DENND1A: variants seen among roughly 807,000 people sequenced by gnomAD.
DENND1A encodes DENN domain-containing protein 1A.
Under a neutral mutation model 113.7 loss-of-function variants are expected in DENND1A, and 51 were observed. The observed-to-expected ratio is 0.45, with a 90% CI of 0.36 to 0.57. The LOEUF (loss-of-function observed/expected upper bound fraction) is 0.57, where lower values mean the gene tolerates loss of function less well. DENND1A is among the 20% of genes least tolerant of loss of function. DENND1A has a pLI of 0.00. For synonymous variants in DENND1A, 565 were observed against 570.8 expected (o/e 0.99, Z 0.14); for missense variants, 1,258 against 1,395.9 (o/e 0.90, Z 1.57).
intron 2 of DENND1A, among the ~76,000 whole-genome samples, chr9:123,851,396 A>G (rs1843341300): frequency 6.6e-6 from 1 of 152,220 alleles, no homozygotes; most frequent in Non-Finnish European, 1.5e-5. Context: ...CTATGTATAG[A>G]ACTCAATTTG....
intron 1 of DENND1A, among the ~76,000 whole-genome samples, chr9:123,886,574 T>C (rs1395033941): frequency 1.3e-5 from 2 of 152,186 alleles, no homozygotes; most frequent in African/African-American, 2.4e-5. Context: ...AGAAACTGTA[T>C]ACACTTCAGA....
intron 8 of DENND1A, among the ~76,000 whole-genome samples, chr9:123,662,485 C>G (rs138755890): frequency 2.5e-3 from 382 of 152,244 alleles, no homozygotes; most frequent in Middle Eastern, 0.01. Flanking sequence ...ATCGCTTGAG[C>G]CCAGGAGGTG....
At chr9:123,566,637 A>C (rs1447473025) in intron 12 of DENND1A, among the ~76,000 whole-genome samples, 1 of 152,164 alleles carries the variant, frequency 6.6e-6, no homozygotes, top group African/African-American at 2.4e-5. Flanking sequence ...CCTTGGAGTA[A>C]AAAAGTGCAA....
chr9:123,772,222 A>G (rs1191898831), intron 3 of DENND1A, among the ~76,000 whole-genome samples: 2 of 152,216 alleles, frequency 1.3e-5, no homozygotes, highest in Non-Finnish European at 2.9e-5. Context: ...CCTTACACAT[A>G]AACATTCATG....
At chr9:123,926,004 C>A (rs1428373293) in intron 1 of DENND1A, among the ~76,000 whole-genome samples, 1 of 152,232 alleles carries the variant, frequency 6.6e-6, no homozygotes, top group East Asian at 1.9e-4. Context: ...TAAACTGCCA[C>A]ATAGTTTCCT....
At position 123,671,295 on chromosome 9, in the gene DENND1A, C is replaced by A. The variant is rs758346679; in HGVS notation, c.449G>T (p.Ser150Ile). 6.2e-7 allele frequency: 1 copy of A among 1,614,024 alleles called. No homozygotes were observed. The highest frequency in any genetic ancestry group is 1.7e-5 in the Admixed American group (1 of 60,018). ...IPDPGVSVHL[S>I]VHSYFTVPDT... ...CTAATACTCCGCCCCACTTACCACG[C>A]TGAGATGGACAGACACTCCTGGGTC... The change falls in exon 7 of 24, where the codon AGC becomes ATC. Residue 150 changes from serine (S) to isoleucine (I), a missense_variant. Coordinates refer to ENST00000394215, the MANE Select transcript of DENND1A (RefSeq NM_001352964.2).
At chr9:123,596,738 C>T (rs1278544437) in intron 11 of DENND1A, among the ~76,000 whole-genome samples, 1 of 152,136 alleles carries the variant, frequency 6.6e-6, no homozygotes, top group African/African-American at 2.4e-5. Context: ...GCAAGCAAGC[C>T]CTAAAAGTAG....
chr9:123,450,634 T>C (rs2047650094), intron 18 of DENND1A, 59 bp downstream of exon 18: 1 of 1,436,414 alleles, frequency 7.0e-7, no homozygotes, highest in Admixed American at 1.9e-5. Flanking sequence ...CTCATACTTT[T>C]TTGTGGCCAT....
intron 6 of DENND1A, among the ~76,000 whole-genome samples, chr9:123,674,752 T>C (rs2063962977): frequency 6.6e-6 from 1 of 152,198 alleles, no homozygotes; most frequent in African/African-American, 2.4e-5. Flanking sequence ...CTCCCATATG[T>C]GTAGGTTGTA....
chr9:123,699,714 T>C (rs1454759859), intron 5 of DENND1A, among the ~76,000 whole-genome samples: 1 of 146,784 alleles, frequency 6.8e-6, no homozygotes, highest in Non-Finnish European at 1.5e-5. Flanking sequence ...TTTTTTTTAT[T>C]GGAGACAGAG....
intron 1 of DENND1A, among the ~76,000 whole-genome samples, chr9:123,921,447 G>A (rs1856236972): frequency 1.3e-5 from 2 of 152,148 alleles, no homozygotes; most frequent in African/African-American, 4.8e-5. Context: ...AACTGCCAGC[G>A]TGGAGTCAAA....
intron 11 of DENND1A, 50 bp downstream of exon 11, chr9:123,609,386 G>GA (rs141203354): frequency 0.053 from 84,570 of 1,599,660 alleles, 2,443 homozygotes; most frequent in Non-Finnish European, 0.057. Flanking sequence ...GCCACACAAT[G>GA]AAACAAAGCC....
intron 2 of DENND1A, among the ~76,000 whole-genome samples, chr9:123,866,981 C>G (rs1845878186): frequency 1.3e-5 from 2 of 152,106 alleles, no homozygotes; most frequent in South Asian, 4.1e-4. Flanking sequence ...CTATCTTCTC[C>G]TCAAATAAGG....
At chr9:123,625,594 A>C (rs2061172221) in intron 10 of DENND1A, among the ~76,000 whole-genome samples, 1 of 152,116 alleles carries the variant, frequency 6.6e-6, no homozygotes, top group African/African-American at 2.4e-5. Flanking sequence ...AAATACAAAA[A>C]TTAGCCAGGC....
chr9:123,548,777 C>A (rs954923674), intron 13 of DENND1A, among the ~76,000 whole-genome samples: 3 of 152,184 alleles, frequency 2.0e-5, no homozygotes, highest in African/African-American at 7.2e-5. Context: ...ACGGATGAAC[C>A]TGGTGAACAT....
intron 19 of DENND1A, among the ~76,000 whole-genome samples, chr9:123,428,522 A>G (rs2045908539): frequency 6.6e-6 from 1 of 152,224 alleles, no homozygotes; most frequent in Admixed American, 6.5e-5. Context: ...CACCACTCCT[A>G]TTCAACACAG....
intron 13 of DENND1A, among the ~76,000 whole-genome samples, chr9:123,530,282 C>T (rs761949650): frequency 6.6e-5 from 10 of 151,888 alleles, no homozygotes; most frequent in Middle Eastern, 6.8e-3. Flanking sequence ...GAATATAAGG[C>T]GAAAGAGAAC....
chr9:123,823,095 A>G (rs1380234754), intron 2 of DENND1A, among the ~76,000 whole-genome samples: 1 of 152,218 alleles, frequency 6.6e-6, no homozygotes, highest in Non-Finnish European at 1.5e-5. Context: ...GTACTGTGCT[A>G]AACTCGGGAA....
At chr9:123,716,217 C>T (rs1259674574) in intron 5 of DENND1A, among the ~76,000 whole-genome samples, 1 of 152,286 alleles carries the variant, frequency 6.6e-6, no homozygotes. Context: ...CATTGTTTTT[C>T]AGTTAGCATC....
Sources: gnomAD v4.1 joint callset for allele counts (sites outside exome capture counted in the v4.1 genomes callset) on GRCh38, gnomAD v4.1.1 for gene constraint, MANE v1.5 for transcripts, NCBI Gene and HGNC (gene_info 2026-07-23, HGNC 2026-07-21) for gene names.